Variants in AGBL1 observed in about 807,000 individuals in gnomAD.
AGBL1 encodes AGBL carboxypeptidase 1, also known as cytosolic carboxypeptidase 4.
In AGBL1, 130 loss-of-function variants were observed where a neutral mutation model predicts 118.9. That is an observed-to-expected ratio of 1.09 (90% CI 0.95 to 1.26). AGBL1 has a LOEUF of 1.26. AGBL1 is among the 50% of genes most tolerant of loss of function. The probability of loss-of-function intolerance (pLI) is 0.00; values close to 1 mark genes in which losing one functional copy is unlikely to be tolerated. For missense variants in AGBL1, 1,584 were observed against 1,298.1 expected (o/e 1.22, Z -3.38); for synonymous variants, 555 against 478.9 (o/e 1.16, Z -2.08).
chr15:86,461,197 C>T (rs1231664000), intron 18 of AGBL1, among the ~76,000 whole-genome samples: 5 of 152,084 alleles, frequency 3.3e-5, no homozygotes, highest in South Asian at 2.1e-4. Context: ...CATGCCCCAT[C>T]GGTGGTAGGG....
chr15:86,626,839 T>TTC (rs1555431604), intron 21 of AGBL1, among the ~76,000 whole-genome samples: 1 of 145,856 alleles, frequency 6.9e-6, no homozygotes, highest in East Asian at 2.0e-4. Context: ...TACTTTTCTT[T>TTC]TTTTTTTTTT....
At chr15:86,733,057 A>G (rs2077547342) in intron 22 of AGBL1, among the ~76,000 whole-genome samples, 2 of 148,414 alleles carry the variant, frequency 1.3e-5, no homozygotes, top group Non-Finnish European at 1.5e-5. Context: ...TATATATCCT[A>G]TATAAATCAT....
chr15:86,700,481 AC>A (rs1471390229), intron 22 of AGBL1, among the ~76,000 whole-genome samples: 157 of 109,932 alleles, frequency 1.4e-3, no homozygotes, highest in African/African-American at 5.7e-3. Context: ...ACACACACAC[AC>A]ACACACACAC....
intron 24 of AGBL1, among the ~76,000 whole-genome samples, chr15:87,017,142 A>T (rs138423551): frequency 9.3e-4 from 142 of 152,240 alleles, no homozygotes; most frequent in African/African-American, 3.3e-3. Flanking sequence ...TGAGAAGGAC[A>T]AAGTTCCTGG....
chr15:86,869,011 G>A (rs1399675275), intron 22 of AGBL1, among the ~76,000 whole-genome samples: 2 of 152,174 alleles, frequency 1.3e-5, no homozygotes, highest in Non-Finnish European at 2.9e-5. Context: ...CAAGGACCAA[G>A]CAAAGGCATC....
intron 21 of AGBL1, among the ~76,000 whole-genome samples, chr15:86,672,078 A>T (rs968388466): frequency 2.0e-5 from 3 of 152,184 alleles, no homozygotes; most frequent in East Asian, 3.9e-4. Context: ...TTTCTAAAAC[A>T]AAACAAAAAC....
At chr15:86,820,137 T>A (rs2078919116) in intron 22 of AGBL1, among the ~76,000 whole-genome samples, 4 of 152,128 alleles carry the variant, frequency 2.6e-5, no homozygotes, top group African/African-American at 7.2e-5. Flanking sequence ...ATACAAAAAT[T>A]AACTCAAGAT....
chr15:86,279,908 C>A (rs1597671747), intron 16 of AGBL1, 125 bp downstream of exon 16: 2 of 1,277,372 alleles, frequency 1.6e-6, no homozygotes, highest in East Asian at 2.3e-5. Context: ...GAACTACAGC[C>A]TTCCTAAAGG....
intron 18 of AGBL1, among the ~76,000 whole-genome samples, chr15:86,404,673 T>A (rs1024288133): frequency 6.6e-6 from 1 of 152,182 alleles, no homozygotes; most frequent in African/African-American, 2.4e-5. Flanking sequence ...AACAATTGAC[T>A]GGGGAAAGTT....
intron 22 of AGBL1, among the ~76,000 whole-genome samples, chr15:86,785,823 G>A (rs143642442): frequency 0.012 from 1,793 of 152,296 alleles, 25 homozygotes; most frequent in Middle Eastern, 0.051. Context: ...GGGCAACTGA[G>A]TAGTCAGAGA....
At chr15:86,946,759 G>T (rs1444989639) in intron 23 of AGBL1, among the ~76,000 whole-genome samples, 8 of 146,366 alleles carry the variant, frequency 5.5e-5, no homozygotes, top group Admixed American at 2.9e-4. Flanking sequence ...AGGCAGAATT[G>T]GTTGAACCCG....
At chr15:86,477,742 A>T (rs183989055) in intron 18 of AGBL1, among the ~76,000 whole-genome samples, 1 of 152,342 alleles carries the variant, frequency 6.6e-6, no homozygotes, top group East Asian at 1.9e-4. Context: ...TGAGGCCAGC[A>T]TCGTTCTGAG....
intron 22 of AGBL1, among the ~76,000 whole-genome samples, chr15:86,867,381 T>C (rs891710505): frequency 1.3e-5 from 2 of 152,154 alleles, no homozygotes; most frequent in Non-Finnish European, 2.9e-5. Context: ...ACCTACTAGG[T>C]AGGAGAGAAT....
At chr15:86,421,711 C>G (rs1567249215) in intron 18 of AGBL1, among the ~76,000 whole-genome samples, 1 of 150,074 alleles carries the variant, frequency 6.7e-6, no homozygotes, top group Non-Finnish European at 1.5e-5. Flanking sequence ...AGACCCATCT[C>G]ACATGCAAAG....
chr15:86,978,538 A>C (rs1396450364), intron 23 of AGBL1, among the ~76,000 whole-genome samples: 1 of 152,186 alleles, frequency 6.6e-6, no homozygotes, highest in Non-Finnish European at 1.5e-5. Context: ...AGTGCTCCTT[A>C]ACAGAAAATG....
rs1293228902 is a variant in AGBL1, at chr15:86,913,876, G to C, written c.*6582G>C. 2.0e-5 allele frequency: 3 copies of C among 152,100 alleles called. No individual in the cohort carries two copies. Among genetic ancestry groups the C allele is most frequent in the African/African-American group, 7.2e-5 (3 of 41,418 alleles). The allele number at this position is 152,100 out of a possible 1,614,324, so 9.4% of individuals were successfully genotyped here. Reference sequence around the variant, plus strand: ...GTGGCAGAGTGAGACCCTGTACTCTGTCTAAAAGTAAATAAAAAGGCTGAA... The same window carrying C: ...GTGGCAGAGTGAGACCCTGTACTCTCTCTAAAAGTAAATAAAAAGGCTGAA... On this transcript the variant is annotated 3_prime_UTR_variant, in exon 23 of 23. Transcript: ENST00000614907.
At chr15:86,121,149 C>A (rs1206967012) in intron 1 of AGBL1, among the ~76,000 whole-genome samples, 1 of 152,182 alleles carries the variant, frequency 6.6e-6, no homozygotes, top group Admixed American at 6.5e-5. Context: ...CTGCCCGCCT[C>A]AATCTCCCAA....
At chr15:86,331,637 G>C (rs552271103) in intron 17 of AGBL1, among the ~76,000 whole-genome samples, 2 of 152,308 alleles carry the variant, frequency 1.3e-5, no homozygotes, top group African/African-American at 4.8e-5. Flanking sequence ...GCAGAGATCG[G>C]GGGCCTGTTT....
At chr15:86,217,495 G>A (rs2141906357) in intron 5 of AGBL1, among the ~76,000 whole-genome samples, 1 of 152,250 alleles carries the variant, frequency 6.6e-6, no homozygotes. Flanking sequence ...ACACAACTGA[G>A]TGAATAACTG....
Sources: allele counts gnomAD v4.1 joint callset (sites outside exome capture counted in the v4.1 genomes callset), GRCh38; gene constraint gnomAD v4.1.1; transcripts MANE v1.5; gene names NCBI Gene and HGNC (gene_info 2026-07-23, HGNC 2026-07-21).